The following GRID2 variants were observed in gnomAD, a reference collection of about 807,000 sequenced individuals.
GRID2 encodes glutamate ionotropic receptor delta type subunit 2.
GRID2 carries 33 observed loss-of-function variants against 114.8 expected under a neutral mutation model. That is an observed-to-expected ratio of 0.29 (90% CI 0.22 to 0.38). GRID2 has a LOEUF of 0.38. Ranked by LOEUF, GRID2 falls within the 10% of genes least tolerant of loss-of-function variation. The pLI is 1.00. For missense variants in GRID2, 1,184 were observed against 1,257.7 expected (o/e 0.94, Z 0.89); for synonymous variants, 505 against 449.9 (o/e 1.12, Z -1.55).
At chr4:93,296,145 C>T (rs925668365) in intron 8 of GRID2, among the ~76,000 whole-genome samples, 25 of 152,176 alleles carry the variant, frequency 1.6e-4, no homozygotes, top group African/African-American at 5.6e-4. Context: ...TCTAACCTGC[C>T]TCTTCCAGTT....
intron 4 of GRID2, among the ~76,000 whole-genome samples, chr4:93,133,847 C>G (rs538092819): frequency 6.6e-6 from 1 of 152,212 alleles, no homozygotes; most frequent in African/African-American, 2.4e-5. Context: ...GACTGTATTT[C>G]AGTTTAATTC....
chr4:93,254,065 A>G (rs565033997), intron 8 of GRID2, among the ~76,000 whole-genome samples: 1 of 152,228 alleles, frequency 6.6e-6, no homozygotes, highest in African/African-American at 2.4e-5. Context: ...CTGAGTTTTT[A>G]TAGAGTTCTT....
At chr4:93,563,249 G>C (rs771858750) in intron 13 of GRID2, among the ~76,000 whole-genome samples, 3 of 151,946 alleles carry the variant, frequency 2.0e-5, no homozygotes, top group Admixed American at 6.6e-5. Flanking sequence ...CATCTGTTGA[G>C]TTTTTTAAAA....
At chr4:92,325,930 C>T (rs944034591) in intron 1 of GRID2, among the ~76,000 whole-genome samples, 5 of 151,704 alleles carry the variant, frequency 3.3e-5, no homozygotes, top group Admixed American at 2.0e-4. Flanking sequence ...TCCACATTCC[C>T]GGGTCTACTC....
chr4:92,351,638 C>A (rs1728074809), intron 1 of GRID2, among the ~76,000 whole-genome samples: 1 of 151,772 alleles, frequency 6.6e-6, no homozygotes, highest in African/African-American at 2.4e-5. Flanking sequence ...TAGCCATAAA[C>A]CAACCTCTCC....
chr4:92,993,111 C>A (rs560063286), intron 2 of GRID2, among the ~76,000 whole-genome samples: 1 of 152,070 alleles, frequency 6.6e-6, no homozygotes, highest in African/African-American at 2.4e-5. Context: ...AACAGATGGC[C>A]TTGCGAGACA....
At chr4:93,261,251 T>C (rs1168661940) in intron 8 of GRID2, among the ~76,000 whole-genome samples, 1 of 151,918 alleles carries the variant, frequency 6.6e-6, no homozygotes, top group Non-Finnish European at 1.5e-5. Flanking sequence ...AAGCAGTATC[T>C]GTAGTTCCAC....
chr4:92,451,349 G>A (rs569990841), intron 1 of GRID2, among the ~76,000 whole-genome samples: 5 of 152,206 alleles, frequency 3.3e-5, no homozygotes, highest in Admixed American at 1.3e-4. Context: ...GCTCAATTTA[G>A]AAAGGATTCA....
At chr4:92,853,229 T>C (rs1743950806) in intron 2 of GRID2, among the ~76,000 whole-genome samples, 1 of 151,926 alleles carries the variant, frequency 6.6e-6, no homozygotes, top group South Asian at 2.1e-4. Context: ...TGATATAATA[T>C]ATGACTCAGG....
chr4:92,611,462 A>G (rs1431799511), intron 2 of GRID2, among the ~76,000 whole-genome samples: 1 of 151,544 alleles, frequency 6.6e-6, no homozygotes, highest in Non-Finnish European at 1.5e-5. Context: ...CCGTCATTTA[A>G]CCTTAATTAC....
intron 13 of GRID2, among the ~76,000 whole-genome samples, chr4:93,596,203 A>G (rs1395175056): frequency 1.3e-5 from 2 of 152,342 alleles, no homozygotes; most frequent in Middle Eastern, 3.4e-3. Context: ...TTGCAATTGT[A>G]TATGTTTAAT....
At chr4:92,638,507 G>A (rs1731184362) in intron 2 of GRID2, among the ~76,000 whole-genome samples, 1 of 147,682 alleles carries the variant, frequency 6.8e-6, no homozygotes, top group South Asian at 2.1e-4. Flanking sequence ...TATATATATA[G>A]CACTTAACAG....
At chr4:93,332,295 T>TGAGA (rs1353456848) in intron 8 of GRID2, among the ~76,000 whole-genome samples, 1,647 of 128,864 alleles carry the variant, frequency 0.013, 46 homozygotes, top group African/African-American at 0.052. Flanking sequence ...TGTGTGTGTG[T>TGAGA]GTGTGAGAGA....
At chr4:92,737,339 T>C (rs980851490) in intron 2 of GRID2, among the ~76,000 whole-genome samples, 4 of 152,088 alleles carry the variant, frequency 2.6e-5, no homozygotes, top group African/African-American at 9.6e-5. Flanking sequence ...AGGAATCTTA[T>C]GATTATGTGT....
intron 2 of GRID2, among the ~76,000 whole-genome samples, chr4:93,048,479 C>G (rs1298028297): frequency 1.3e-5 from 2 of 151,964 alleles, no homozygotes; most frequent in Non-Finnish European, 2.9e-5. Flanking sequence ...GAACAAACTT[C>G]CGTCTGTGGC....
intron 12 of GRID2, among the ~76,000 whole-genome samples, chr4:93,513,265 T>C (rs1266154337): frequency 2.0e-5 from 3 of 151,900 alleles, no homozygotes; most frequent in Non-Finnish European, 4.4e-5. Context: ...GTAGATATAT[T>C]CCATTCCTTC....
At chr4:93,169,461 T>G (rs1339640359) in intron 4 of GRID2, among the ~76,000 whole-genome samples, 2 of 152,172 alleles carry the variant, frequency 1.3e-5, no homozygotes, top group African/African-American at 4.8e-5. Context: ...TATAACAAAT[T>G]AGCCCTAATG....
chr4:92,756,585 T>G (rs935448518), intron 2 of GRID2, among the ~76,000 whole-genome samples: 1 of 152,192 alleles, frequency 6.6e-6, no homozygotes, highest in Non-Finnish European at 1.5e-5. Context: ...AATTCCCTTT[T>G]CTCTGCATCT....
At chr4:92,716,894 T>G in intron 2 of GRID2, among the ~76,000 whole-genome samples, 1 of 152,212 alleles carries the variant, frequency 6.6e-6, no homozygotes, top group East Asian at 1.9e-4. Flanking sequence ...GATTCTGACC[T>G]GATATCAGCA....
Sources: gnomAD v4.1 joint callset for allele counts (sites outside exome capture counted in the v4.1 genomes callset) on GRCh38, gnomAD v4.1.1 for gene constraint, MANE v1.5 for transcripts, NCBI Gene and HGNC (gene_info 2026-07-23, HGNC 2026-07-21) for gene names.